The following CIITA variants were observed in gnomAD, a reference collection of about 807,000 sequenced individuals.
The protein encoded by CIITA is class II major histocompatibility complex transactivator.
A neutral mutation model predicts 115.1 loss-of-function variants in CIITA; 72 were observed. That is an observed-to-expected ratio of 0.63 (90% CI 0.52 to 0.76). CIITA has a LOEUF of 0.76. Ranked by LOEUF, CIITA falls within the 30% of genes least tolerant of loss-of-function variation. The pLI is 0.00. For missense variants in CIITA, 1,617 were observed against 1,463.8 expected (o/e 1.10, Z -1.71); for synonymous variants, 763 against 635.6 (o/e 1.20, Z -3.02).
chr16:10,884,038 G>A (rs2036677768), intron 1 of CIITA, among the ~76,000 whole-genome samples: 1 of 143,746 alleles, frequency 7.0e-6, no homozygotes, highest in Non-Finnish European at 1.5e-5. Flanking sequence ...TTACATGAGG[G>A]TTTACTCTTG....
At chr16:10,915,521 G>T in intron 13 of CIITA, 49 bp from the exon 14 acceptor site, 2 of 1,453,424 alleles carry the variant, frequency 1.4e-6, no homozygotes, top group South Asian at 2.3e-5. Flanking sequence ...GGCTGAATGA[G>T]GGGCTGTGAC....
chr16:10,874,733 A>AC (rs1359925247), upstream of CIITA, among the ~76,000 whole-genome samples: 1 of 152,186 alleles, frequency 6.6e-6, no homozygotes, highest in Admixed American at 6.5e-5. Flanking sequence ...TACAGGGAAG[A>AC]TGTACCAGGC....
chr16:10,873,667 C>T (rs1042054723), upstream of CIITA, among the ~76,000 whole-genome samples: 2 of 152,130 alleles, frequency 1.3e-5, no homozygotes, highest in African/African-American at 2.4e-5. Flanking sequence ...GCAATTTTTC[C>T]AGAACAACTG....
chr16:10,926,867 T>G lies in CIITA; in HGVS notation c.*3012T>G, dbSNP rs2040552055. The G allele has an allele frequency of 6.6e-6, 1 of 152,218 alleles. No individual in the cohort carries two copies. The highest frequency in any genetic ancestry group is 1.5e-5 in the Non-Finnish European group (1 of 68,048). 9.4% of individuals were successfully genotyped at this position (152,218 alleles called of 1,614,324 possible). A position where few individuals can be genotyped will look rare whatever the true frequency, so the allele number is the denominator to read the frequency against. On this transcript the variant is annotated 3_prime_UTR_variant, in exon 20 of 20. Transcript: ENST00000324288. The stretch of plus-strand genomic sequence containing the variant: ...GATACATGCAAAGCCCTTATCACAG[T>G]GCAAGGGAAATTCAAAGCGCTCAGA...
intron 13 of CIITA, among the ~76,000 whole-genome samples, chr16:10,914,827 A>G (rs2039837943): frequency 6.6e-6 from 1 of 152,190 alleles, no homozygotes; most frequent in Admixed American, 6.5e-5. Context: ...TAAATGCTCA[A>G]CAAATGGTTC....
At chr16:10,939,954 A>G (rs2041078482), downstream of CIITA, 2 of 152,410 alleles carry the variant, frequency 1.3e-5, no homozygotes, top group South Asian at 4.1e-4. The surrounding 1 kb of genome is among the most constrained non-coding windows in gnomAD (Gnocchi z 4.9). Context: ...CTGTAAAAGA[A>G]CGGACGGATG....
chr16:10,913,868 G>A (rs1424077300), intron 13 of CIITA, among the ~76,000 whole-genome samples: 1 of 151,910 alleles, frequency 6.6e-6, no homozygotes, highest in African/African-American at 2.4e-5. Context: ...TTGAAACCGG[G>A]AGGCGGAGGT....
At chr16:10,938,067 C>T (rs2041053705), downstream of CIITA, 1 of 152,238 alleles carries the variant, frequency 6.6e-6, no homozygotes, top group Non-Finnish European at 1.5e-5. The surrounding 1 kb of genome is among the most constrained non-coding windows in gnomAD (Gnocchi z 4.9). Context: ...AACACGCTTT[C>T]CATTGTATCC....
upstream of CIITA, among the ~76,000 whole-genome samples, chr16:10,874,160 T>C (rs181707631): frequency 1.8e-4 from 28 of 152,152 alleles, 1 homozygote; most frequent in East Asian, 5.4e-3. Context: ...ATTTTTCTAT[T>C]TTTAGTAGAG....
rs2039190904 is a variant in CIITA, at chr16:10,906,802, G to C, written c.1310G>C (p.Trp437Ser). The change falls in exon 11 of 20, where the codon TGG becomes TCG. Residue 437 changes from tryptophan (W) to serine (S), a missense_variant. Transcript: ENST00000324288. ...TGGGCTGGGGCAGTGAGCCGGGCCT[G>C]GGCTTGTGGCCGGCTTCCCCAGTAC... ...SYWAGAVSRA[W>S]ACGRLPQYDF... 1.9e-6 allele frequency: 3 copies of C among 1,612,346 alleles called. No individual in the cohort carries two copies. The highest frequency in any genetic ancestry group is 2.5e-6 in the Non-Finnish European group (3 of 1,180,042).
At position 10,925,861 on chromosome 16, in the gene CIITA, G is replaced by C. The variant is rs1280839354; in HGVS notation, c.*2006G>C. 1 of 152,216 alleles carries C rather than the reference G, an allele frequency of 6.6e-6. No homozygotes were observed. Among genetic ancestry groups the C allele is most frequent in the Non-Finnish European group, 1.5e-5 (1 of 68,040 alleles). The allele number at this position is 152,216 out of a possible 1,614,324, so 9.4% of individuals were successfully genotyped here. The stretch of plus-strand genomic sequence containing the variant: ...TTGAAGCACCAAAAGCTTACCAAGG[G>C]GAATGTTTGCCTCTGCCTCTGACAC... On this transcript the variant is annotated 3_prime_UTR_variant, in exon 20 of 20. Transcript: ENST00000324288.
chr16:10,907,478 G>A lies in CIITA; in HGVS notation c.1986G>A (p.Lys662=), dbSNP rs1225922132. The A allele has an allele frequency of 6.2e-7, 1 of 1,613,710 alleles. No individual in the cohort carries two copies. Among genetic ancestry groups the A allele is most frequent in the Non-Finnish European group, 8.5e-7 (1 of 1,179,972 alleles). ...SPPGALAELA[K]LAWELGRRHQ... is the part of the protein sequence containing the mutation. The stretch of plus-strand genomic sequence containing the variant: ...CCGGGGCCCTGGCAGAGCTGGCCAA[G>A]CTGGCCTGGGAGCTGGGCCGCAGAC... Residue 662 remains lysine (K), a synonymous_variant, in exon 11 of 20, where the codon AAG becomes AAA. Coordinates refer to ENST00000324288, the MANE Select transcript of CIITA (RefSeq NM_000246.4). This position sits in a 1 kb window ranked among gnomAD's most constrained non-coding sequence, Gnocchi z 5.0.
Position 10,906,551 on chromosome 16 carries a change from C to T in CIITA, c.1059C>T (p.Pro353=), listed in dbSNP as rs769294144. ...RSLQDTYGAE[P]AGPDGILVEV... is the part of the protein sequence containing the mutation. ...TGCAGGACACGTATGGTGCCGAGCC[C>T]GCAGGCCCGGATGGCATCCTAGTGG... is the stretch of plus-strand genomic sequence containing the variant. Residue 353 remains proline (P), a synonymous_variant, in exon 11 of 20, where the codon CCC becomes CCT. Coordinates refer to ENST00000324288, the MANE Select transcript of CIITA (RefSeq NM_000246.4). 4 of 1,612,782 alleles carry T rather than the reference C, an allele frequency of 2.5e-6. No homozygotes were observed. The highest frequency in any genetic ancestry group is 2.5e-6 in the Non-Finnish European group (3 of 1,180,010).
At chr16:10,890,217 G>C (rs2037417392) in intron 1 of CIITA, among the ~76,000 whole-genome samples, 1 of 152,070 alleles carries the variant, frequency 6.6e-6, no homozygotes, top group South Asian at 2.1e-4. Flanking sequence ...TTTTTGCCCA[G>C]GCAACTTCTC....
At chr16:10,908,278 C>T (rs1159180476) in intron 11 of CIITA, 129 bp downstream of exon 11, 3 of 1,080,444 alleles carry the variant, frequency 2.8e-6, no homozygotes, top group Admixed American at 2.0e-5. Flanking sequence ...AATGGATTCT[C>T]TCCATTTTTA....
chr16:10,937,484 A>G (rs1021034744), downstream of CIITA: 1 of 152,278 alleles, frequency 6.6e-6, no homozygotes, highest in African/African-American at 2.4e-5. This position sits in a 1 kb window ranked among gnomAD's most constrained non-coding sequence, Gnocchi z 4.2. Context: ...TTGGGAGATA[A>G]CTGAAGCCTA....
At chr16:10,914,552 G>A (rs1391859375) in intron 13 of CIITA, among the ~76,000 whole-genome samples, 4 of 152,138 alleles carry the variant, frequency 2.6e-5, no homozygotes, top group African/African-American at 9.7e-5. Flanking sequence ...GGACATAATT[G>A]CAGAATAAAA....
intron 10 of CIITA, 50 bp downstream of exon 10, chr16:10,904,862 T>G: frequency 1.3e-6 from 2 of 1,587,010 alleles, no homozygotes; most frequent in Non-Finnish European, 1.7e-6. Context: ...TGGAAGCCCA[T>G]ATCTGGCTTC....
In CIITA at chr16:10,923,410, G is replaced by A. The variant is rs551744641; in HGVS notation, c.*22+85G>A. On this transcript the variant is annotated intron_variant, in intron 19 of 19. Coordinates refer to ENST00000324288, the MANE Select transcript of CIITA (RefSeq NM_000246.4). This position sits in a 1 kb window ranked among gnomAD's most constrained non-coding sequence, Gnocchi z 5.2. ...AAGGTGGCATTCAAAAAATGTGGGC[G>A]GGACACAGGTGGGGCTAGGCCACCA... 29 of 1,103,448 alleles carry A rather than the reference G, an allele frequency of 2.6e-5. No homozygotes were observed. The highest frequency in any genetic ancestry group is 2.1e-4 in the Middle Eastern group (1 of 4,786). 68.4% of individuals were successfully genotyped at this position (1,103,448 alleles called of 1,614,324 possible). A position where few individuals can be genotyped will look rare whatever the true frequency, so the allele number is the denominator to read the frequency against.
Sources: allele counts gnomAD v4.1 joint callset (sites outside exome capture counted in the v4.1 genomes callset), GRCh38; gene constraint gnomAD v4.1.1; non-coding constraint Gnocchi (gnomAD v3.1); transcripts MANE v1.5; gene names NCBI Gene and HGNC (gene_info 2026-07-23, HGNC 2026-07-21).